Variants in HSPA12A observed in about 807,000 individuals in gnomAD.
HSPA12A encodes the protein heat shock 70 kDa protein 12A.
HSPA12A carries 28 observed loss-of-function variants against 69.2 expected under a neutral mutation model. That is an observed-to-expected ratio of 0.40 (90% CI 0.30 to 0.55). The LOEUF is 0.55. HSPA12A is among the 20% of genes least tolerant of loss of function. The probability of loss-of-function intolerance (pLI) is 0.38; values close to 1 mark genes in which losing one functional copy is unlikely to be tolerated. For synonymous variants in HSPA12A, 345 were observed against 370.5 expected (o/e 0.93, Z 0.79); for missense variants, 686 against 900.7 (o/e 0.76, Z 3.05).
intron 4 of HSPA12A, among the ~76,000 whole-genome samples, chr10:116,699,040 C>A (rs564362155): frequency 1.3e-5 from 2 of 152,310 alleles, no homozygotes; most frequent in Non-Finnish European, 2.9e-5. Flanking sequence ...CAGTAGAAGT[C>A]AGGAAGAGAG....
At chr10:116,708,466 G>C (rs1032511536) in intron 1 of HSPA12A, among the ~76,000 whole-genome samples, 1 of 152,202 alleles carries the variant, frequency 6.6e-6, no homozygotes, top group African/African-American at 2.4e-5. Context: ...AAATCACTTT[G>C]GGTTAATCCC....
upstream of HSPA12A, among the ~76,000 whole-genome samples, chr10:116,747,109 AG>A (rs1190556185): frequency 1.3e-5 from 2 of 152,234 alleles, no homozygotes; most frequent in African/African-American, 2.4e-5. Context: ...CATGGTGGCC[AG>A]TGTATACATC....
At chr10:116,808,056 G>A (rs1845102199) in intron 2 of HSPA12A, among the ~76,000 whole-genome samples, 1 of 152,164 alleles carries the variant, frequency 6.6e-6, no homozygotes, top group African/African-American at 2.4e-5. Flanking sequence ...GGTAGTTTCT[G>A]AGGACGCTGG....
intron 5 of HSPA12A, among the ~76,000 whole-genome samples, chr10:116,692,831 G>A (rs1437240842): frequency 4.6e-5 from 7 of 152,176 alleles, no homozygotes; most frequent in African/African-American, 1.7e-4. Flanking sequence ...TGAGAGGATT[G>A]ATGATTTATG....
Position 116,692,355 on chromosome 10 carries a change from T to C in HSPA12A, c.659A>G (p.Tyr220Cys). Residue 220 changes from tyrosine (Y) to cysteine (C), a missense_variant, in exon 6 of 12, where the codon TAC (tyrosine) becomes TGC (cysteine). Transcript: ENST00000369209. ...CCGCCCTGACTCTACCCTCACCTGG[T>C]AGGCAGCTTGTCTCATGAACTGCTT... ...PAKQFMRQAA[Y>C]QAGLASPENS... The C allele has an allele frequency of 6.2e-7, 1 of 1,613,140 alleles. No individual in the cohort carries two copies.
intron 2 of HSPA12A, 24 bp downstream of exon 2, chr10:116,707,176 C>G: frequency 6.4e-7 from 1 of 1,558,378 alleles, no homozygotes; most frequent in East Asian, 2.3e-5. Flanking sequence ...CACACACACA[C>G]ACACACACAC....
At chr10:116,750,698 G>A (rs1174887316) in intron 2 of HSPA12A, 4 of 186,076 alleles carry the variant, frequency 2.1e-5, no homozygotes, top group Admixed American at 1.7e-4. Context: ...GAGAGGGGCC[G>A]GGCTCCGTGG....
At chr10:116,746,693 A>T (rs1270084962), upstream of HSPA12A, among the ~76,000 whole-genome samples, 1 of 152,236 alleles carries the variant, frequency 6.6e-6, no homozygotes, top group African/African-American at 2.4e-5. Context: ...TGACTTATTT[A>T]ATTTATATAT....
intron 2 of HSPA12A, among the ~76,000 whole-genome samples, chr10:116,827,806 C>T (rs1038880215): frequency 1.6e-4 from 25 of 152,194 alleles, no homozygotes; most frequent in Admixed American, 1.1e-3. Context: ...CTCAGGTAAA[C>T]AGATTCCTGG....
At chr10:116,730,212 C>T (rs546467982) in intron 1 of HSPA12A, among the ~76,000 whole-genome samples, 1 of 152,330 alleles carries the variant, frequency 6.6e-6, no homozygotes, top group African/African-American at 2.4e-5. Context: ...TGATGCCTAA[C>T]ATTGACTGCA....
intron 6 of HSPA12A, among the ~76,000 whole-genome samples, chr10:116,688,653 G>T (rs1344875114): frequency 1.3e-5 from 2 of 152,224 alleles, no homozygotes; most frequent in Non-Finnish European, 2.9e-5. Context: ...CCAGTTCGGG[G>T]TGTTATGCTG....
chr10:116,847,721 G>A (rs937855193), intron 1 of HSPA12A, among the ~76,000 whole-genome samples: 4 of 152,202 alleles, frequency 2.6e-5, no homozygotes, highest in African/African-American at 9.6e-5. Flanking sequence ...TAATGATGCT[G>A]CAGACACAGT....
At chr10:116,849,877 C>T, upstream of HSPA12A, 1 of 969,246 alleles carries the variant, frequency 1.0e-6, no homozygotes, top group South Asian at 1.4e-5. Context: ...GAGGAGACTT[C>T]TGGAGGGAAG....
chr10:116,681,569 G>C (rs1450817496), intron 8 of HSPA12A, among the ~76,000 whole-genome samples: 1 of 152,158 alleles, frequency 6.6e-6, no homozygotes, highest in Non-Finnish European at 1.5e-5. Context: ...AATCATCTGC[G>C]TTTCACCAAA....
intron 1 of HSPA12A, among the ~76,000 whole-genome samples, chr10:116,720,036 T>A (rs1850724941): frequency 6.6e-6 from 1 of 152,188 alleles, no homozygotes; most frequent in African/African-American, 2.4e-5. Context: ...GTGATAAAAA[T>A]GTTTGGGAAT....
Position 116,679,701 on chromosome 10 carries a change from A to G in HSPA12A, c.1088T>C (p.Phe363Ser). The G allele has an allele frequency of 1.2e-6, 2 of 1,614,188 alleles. No homozygotes were observed. Among genetic ancestry groups the G allele is most frequent in the Non-Finnish European group, 1.7e-6 (2 of 1,180,026 alleles). The change falls in exon 10 of 12, where the codon TTT becomes TCT. Residue 363 changes from phenylalanine (F) to serine (S), a missense_variant. Coordinates refer to ENST00000369209, the MANE Select transcript of HSPA12A (RefSeq NM_025015.3). Reference sequence around the variant, plus strand: ...GAATTGTTCAATAAAATCCTCTCCAAATATTTTATACAGAAGTTTTTCGAA... The same window carrying G: ...GAATTGTTCAATAAAATCCTCTCCAGATATTTTATACAGAAGTTTTTCGAA... ...YEFEKLLYKI[F>S]GEDFIEQFKI...
At chr10:116,696,503 C>T (rs2921973) in intron 5 of HSPA12A, among the ~76,000 whole-genome samples, 82,375 of 151,988 alleles carry the variant, frequency 0.54, 22,745 homozygotes, top group Middle Eastern at 0.64. Flanking sequence ...TCGTCTTGCA[C>T]CATGATTGTG....
chr10:116,827,894 C>T (rs906623358), intron 2 of HSPA12A, among the ~76,000 whole-genome samples: 48 of 152,304 alleles, frequency 3.2e-4, no homozygotes, highest in Admixed American at 3.1e-3. Flanking sequence ...AGCTGCTGTC[C>T]GCCCAACCCT....
At chr10:116,812,510 C>T (rs2133185251) in intron 2 of HSPA12A, among the ~76,000 whole-genome samples, 1 of 151,908 alleles carries the variant, frequency 6.6e-6, no homozygotes, top group South Asian at 2.1e-4. Context: ...CCCCCACAAC[C>T]ATCAGGAAAA....
Sources: allele counts gnomAD v4.1 joint callset (sites outside exome capture counted in the v4.1 genomes callset), GRCh38; gene constraint gnomAD v4.1.1; transcripts MANE v1.5; gene names NCBI Gene and HGNC (gene_info 2026-07-23, HGNC 2026-07-21).